Variants in ALPK3 observed in about 807,000 individuals in gnomAD.
ALPK3 encodes alpha kinase 3, also known as alpha-protein kinase 3.
A neutral mutation model predicts 140.0 loss-of-function variants in ALPK3; 102 were observed. The ratio of observed to expected loss-of-function variants is 0.73; its 90% CI spans 0.62 to 0.86. The LOEUF is 0.86. Among genes scored for constraint, ALPK3 ranks in the 40% least tolerant of loss-of-function variants. ALPK3 has a pLI of 0.00. For missense variants in ALPK3, 2,254 were observed against 2,208.2 expected (o/e 1.02, Z -0.42); for synonymous variants, 938 against 898.5 (o/e 1.04, Z -0.79).
At position 84,868,472 on chromosome 15, in the gene ALPK3, G is replaced by A. The variant is rs1391401318; in HGVS notation, c.*16G>A. 1 of 1,590,956 alleles carries A rather than the reference G, an allele frequency of 6.3e-7. No homozygotes were observed. The highest frequency in any genetic ancestry group is 1.1e-5 in the South Asian group (1 of 90,208). On this transcript the variant is annotated 3_prime_UTR_variant, in exon 14 of 14. Coordinates refer to ENST00000258888, the MANE Select transcript of ALPK3 (RefSeq NM_020778.5). Reference sequence around the variant, plus strand: ...CATGCGGTAGCCTCCGCAGAGGCTGGGGGCCTCCACCCAGCAGCAGACCAA... The same window carrying A: ...CATGCGGTAGCCTCCGCAGAGGCTGAGGGCCTCCACCCAGCAGCAGACCAA...
chr15:84,867,995 T>G, intron 13 of ALPK3, 116 bp from the exon 14 acceptor site: 1 of 1,036,548 alleles, frequency 9.6e-7, no homozygotes, highest in Non-Finnish European at 1.4e-6. Flanking sequence ...CACCCTCAGA[T>G]AAGGTAGGAT....
At chr15:84,841,978 AT>A (rs1305128699) in intron 5 of ALPK3, among the ~76,000 whole-genome samples, 2 of 152,198 alleles carry the variant, frequency 1.3e-5, no homozygotes, top group African/African-American at 4.8e-5. Context: ...AATACTGGTT[AT>A]TTATTTGAAG....
At chr15:84,856,072 GA>G (rs755500054) in intron 5 of ALPK3, among the ~76,000 whole-genome samples, 49 of 152,172 alleles carry the variant, frequency 3.2e-4, no homozygotes, top group Non-Finnish European at 6.9e-4. Context: ...GTGAGGGGTG[GA>G]ATAACCCATG....
At chr15:84,836,363 G>A (rs1014035025) in intron 3 of ALPK3, among the ~76,000 whole-genome samples, 3 of 152,226 alleles carry the variant, frequency 2.0e-5, no homozygotes, top group African/African-American at 7.2e-5. Flanking sequence ...TTTCTGCTGA[G>A]AATGGGCTGA....
Position 84,840,124 on chromosome 15 carries a change from C to A in ALPK3, c.845C>A (p.Pro282His), listed in dbSNP as rs140328332. 11 of 1,614,080 alleles carry A rather than the reference C, an allele frequency of 6.8e-6. No individual in the cohort carries two copies. The highest frequency in any genetic ancestry group is 3.3e-5 in the Admixed American group (2 of 60,020). ...GTGACCACCAACGGGGAGGCTGCCC[C>A]CGAGAATGGAGAGGACGGAGAGCAT... ...GEVTTNGEAA[P>H]ENGEDGEHGL... Residue 282 changes from proline (P) to histidine (H), a missense_variant, in exon 5 of 14, where the codon CCC becomes CAC. Transcript: ENST00000258888.
chr15:84,858,871 C>T (rs1963902895), intron 6 of ALPK3, among the ~76,000 whole-genome samples: 1 of 152,160 alleles, frequency 6.6e-6, no homozygotes, highest in South Asian at 2.1e-4. Context: ...CCATTCAGTC[C>T]CCCTTTACAG....
rs909121019 is a variant in ALPK3, at chr15:84,817,578, C to T, written c.126C>T (p.Ser42=). Reference sequence around the variant, plus strand: ...CAGCCAGCCGGAGCTACCTGCTCAGCGTGCGGCCCGAGACCAGGTAAGTGG... The same window carrying T: ...CAGCCAGCCGGAGCTACCTGCTCAGTGTGCGGCCCGAGACCAGGTAAGTGG... The part of the protein sequence containing the change: ...PSPASRSYLL[S]VRPETSLSSN... Residue 42 remains serine, a synonymous_variant, in exon 1 of 14, where the codon AGC becomes AGT. Coordinates refer to ENST00000258888, the MANE Select transcript of ALPK3 (RefSeq NM_020778.5). The T allele has an allele frequency of 6.7e-7, 1 of 1,501,842 alleles. No individual in the cohort carries two copies. The highest frequency in any genetic ancestry group is 1.2e-5 in the South Asian group (1 of 82,074). The allele number at this position is 1,501,842 out of a possible 1,614,324, so 93.0% of individuals were successfully genotyped here. A position where few individuals can be genotyped will look rare whatever the true frequency, so the allele number is the denominator to read the frequency against.
rs759400813 is a variant in ALPK3 at position 84,857,044 on chromosome 15, C to A, written c.2306C>A (p.Pro769His). The change falls in exon 6 of 14, where the codon CCT becomes CAT. Residue 769 changes from proline to histidine, a missense_variant. Physicochemically the swap from Pro to His is moderately conservative, Grantham distance 77. This residue lies in a region of ALPK3 where 2,088 missense variants were observed against 2,022.9 expected (regional missense o/e 1.03). Transcript: ENST00000258888. Reference sequence around the variant, plus strand: ...GAAGGGTCTTGTTTCCCAAAAAAACCTGGTTGCCTGCCCAGATCTGAGGAG... The same window carrying A: ...GAAGGGTCTTGTTTCCCAAAAAAACATGGTTGCCTGCCCAGATCTGAGGAG... The part of the protein sequence containing the change: ...TPEGSCFPKK[P>H]GCLPRSEEAV... 1 of 1,614,034 alleles carries A rather than the reference C, an allele frequency of 6.2e-7. No homozygotes were observed. Among genetic ancestry groups the A allele is most frequent in the Non-Finnish European group, 8.5e-7 (1 of 1,180,014 alleles).
Position 84,864,562 on chromosome 15 carries a change from T to C in ALPK3, c.4620T>C (p.Ala1540=), listed in dbSNP as rs1365586944. The C allele has an allele frequency of 5.0e-6, 8 of 1,614,204 alleles. No homozygotes were observed. In the South Asian group the frequency reaches 8.8e-5, roughly 18 times the overall value. The change falls in exon 12 of 14, where the codon GCT becomes GCC. Residue 1540 remains alanine, a synonymous_variant. Coordinates refer to ENST00000258888, the MANE Select transcript of ALPK3 (RefSeq NM_020778.5). ...CTCGGGAATGGGGCTGTGCTGAGGCTCCGACAGCATCTGGCAGCTCTGAGG... is the reference window on the plus strand; with the variant it reads ...CTCGGGAATGGGGCTGTGCTGAGGCCCCGACAGCATCTGGCAGCTCTGAGG... ...YCSREWGCAE[A]PTASGSSEAM...
chr15:84,852,177 T>G (rs1482195169), intron 5 of ALPK3, among the ~76,000 whole-genome samples: 1 of 152,178 alleles, frequency 6.6e-6, no homozygotes, highest in Admixed American at 6.5e-5. Context: ...ACTATAGTAA[T>G]ATGCCAGTAT....
rs1331445754 is a variant in ALPK3 at position 84,864,527 on chromosome 15, T to C, written c.4585T>C (p.Ser1529Pro). 6.2e-7 allele frequency: 1 copy of C among 1,613,892 alleles called. No individual in the cohort carries two copies. The highest frequency in any genetic ancestry group is 8.5e-7 in the Non-Finnish European group (1 of 1,179,966). ...LEEDLGKPLE[S>P]YCSREWGCAE... ...GGAAGACCTGGGCAAGCCCCTGGAGTCTTACTGTTCTCGGGAATGGGGCTG... is the reference window on the plus strand; with the variant it reads ...GGAAGACCTGGGCAAGCCCCTGGAGCCTTACTGTTCTCGGGAATGGGGCTG... Residue 1529 changes from serine (S) to proline (P), a missense_variant, in exon 12 of 14, where the codon TCT (serine) becomes CCT (proline). Physicochemically the swap from Ser to Pro is moderately conservative, Grantham distance 74. Around this residue, in one of 3 missense-constraint regions of ALPK3, gnomAD observed 2,088 missense variants for 2,022.9 expected, o/e 1.03. Coordinates refer to ENST00000258888, the MANE Select transcript of ALPK3 (RefSeq NM_020778.5).
In ALPK3 at chr15:84,869,858, A is replaced by G. The variant is rs369758291; in HGVS notation, c.*1402A>G. On this transcript the variant is annotated 3_prime_UTR_variant, in exon 14 of 14. Coordinates refer to ENST00000258888, the MANE Select transcript of ALPK3 (RefSeq NM_020778.5). ...CCAGGCCCACTGGAAAAATGAATCT[A>G]TATTTTGGTTCCTGGACCGAAGTTC... 1 of 152,470 alleles carries G rather than the reference A, an allele frequency of 6.6e-6. No homozygotes were observed. The highest frequency in any genetic ancestry group is 2.4e-5 in the African/African-American group (1 of 41,386). The allele number at this position is 152,470 out of a possible 1,614,324, so 9.4% of individuals were successfully genotyped here. A position where few individuals can be genotyped will look rare whatever the true frequency, so the allele number is the denominator to read the frequency against.
In ALPK3 at chr15:84,868,481, AC is replaced by A. The variant is rs758035315; in HGVS notation, c.*28del. 2.1e-5 allele frequency: 33 copies of A among 1,574,758 alleles called. No homozygotes were observed. In the East Asian group the frequency reaches 6.8e-4, roughly 32 times the overall value. ...GCCTCCGCAGAGGCTGGGGGCCTCCACCCAGCAGCAGACCAACCAGGAAGCA... is the reference window on the plus strand; with the variant it reads ...GCCTCCGCAGAGGCTGGGGGCCTCCACCAGCAGCAGACCAACCAGGAAGCA... On this transcript the variant is annotated 3_prime_UTR_variant, in exon 14 of 14. Coordinates refer to ENST00000258888, the MANE Select transcript of ALPK3 (RefSeq NM_020778.5).
rs35931910 is a variant in ALPK3 at position 84,858,449 on chromosome 15, C to T, written c.3711C>T (p.Asp1237=). ...CAGAGGAGGAGCTGGCGGCAGGAGA[C>T]CTGGGCCCCAGCCCCAAGGCCGGCG... ...PRAEEELAAG[D]LGPSPKAGGL... The change falls in exon 6 of 14, where the codon GAC becomes GAT. Residue 1237 remains aspartate (D), a synonymous_variant. Transcript: ENST00000258888. 0.065 allele frequency: 101,593 copies of T among 1,566,998 alleles called. 3,411 individuals carry two copies. Among genetic ancestry groups the T allele is most frequent in the East Asian group, 0.081 (3,521 of 43,218 alleles).
intron 3 of ALPK3, among the ~76,000 whole-genome samples, chr15:84,838,277 A>T (rs1212736387): frequency 1.3e-5 from 2 of 152,178 alleles, no homozygotes; most frequent in Non-Finnish European, 2.9e-5. Context: ...GTGGGACATA[A>T]GGGAGGAGAC....
rs139859971 is a variant in ALPK3, at chr15:84,862,466, G to C, written c.4130-169G>C. Among the ~76,000 whole-genome samples, 1,015 of 152,186 alleles carry C rather than the reference G, an allele frequency of 6.7e-3. 8 individuals carry two copies. Among genetic ancestry groups the C allele is most frequent in the Middle Eastern group, 0.02 (6 of 294 alleles). Reference sequence around the variant, plus strand: ...TCAAATAGAGTTTCTGCCCCAAGGAGCTCATAGTCTGGTGGGGACTTAATG... The same window carrying C: ...TCAAATAGAGTTTCTGCCCCAAGGACCTCATAGTCTGGTGGGGACTTAATG... On this transcript the variant is annotated intron_variant, in intron 9 of 13. Coordinates refer to ENST00000258888, the MANE Select transcript of ALPK3 (RefSeq NM_020778.5).
chr15:84,829,033 A>G (rs1349493191), intron 3 of ALPK3, among the ~76,000 whole-genome samples: 2 of 152,246 alleles, frequency 1.3e-5, no homozygotes, highest in Non-Finnish European at 2.9e-5. Flanking sequence ...TTACTTTGTC[A>G]AATAAATATA....
At chr15:84,864,334 C>G (rs1255703434) in intron 11 of ALPK3, 108 bp from the exon 12 acceptor site, 3 of 1,189,078 alleles carry the variant, frequency 2.5e-6, no homozygotes, top group Non-Finnish European at 3.6e-6. Flanking sequence ...CTGAGAATTA[C>G]ATTCTTGGAA....
At position 84,857,846 on chromosome 15, in the gene ALPK3, C is replaced by T; in HGVS notation, c.3108C>T (p.Thr1036=). 6.2e-7 allele frequency: 1 copy of T among 1,611,592 alleles called. No individual in the cohort carries two copies. The highest frequency in any genetic ancestry group is 8.5e-7 in the Non-Finnish European group (1 of 1,178,796). The change falls in exon 6 of 14, where the codon ACC becomes ACT. Residue 1036 remains threonine (T), a synonymous_variant. Transcript: ENST00000258888. ...AGACCCTGCTGCTGAGCCCCTGTAC[C>T]TCCCGCCGCCTCACCGGCCTCCTGG... is the stretch of plus-strand genomic sequence containing the variant. The part of the protein sequence containing the change: ...SAQTLLLSPC[T]SRRLTGLLDR...
Sources: allele counts gnomAD v4.1 joint callset (sites outside exome capture counted in the v4.1 genomes callset), GRCh38; gene constraint gnomAD v4.1.1; regional missense constraint gnomAD v4.1.1; transcripts MANE v1.5; gene names NCBI Gene and HGNC (gene_info 2026-07-23, HGNC 2026-07-21).